PRORP: variants seen among roughly 807,000 people sequenced by gnomAD.
PRORP encodes protein only RNase P catalytic subunit.
In PRORP, 51 loss-of-function variants were observed where a neutral mutation model predicts 59.4. That is an observed-to-expected ratio of 0.86 (90% CI 0.69 to 1.08). PRORP has a LOEUF of 1.08. Among genes scored for constraint, PRORP ranks in the 50% least tolerant of loss-of-function variants. The pLI is 0.00. For missense variants in PRORP, 646 were observed against 690.3 expected (o/e 0.94, Z 0.72); for synonymous variants, 231 against 245.6 (o/e 0.94, Z 0.55).
At chr14:35,209,593 C>G (rs1243172166) in intron 5 of PRORP, among the ~76,000 whole-genome samples, 1 of 151,970 alleles carries the variant, frequency 6.6e-6, no homozygotes, top group East Asian at 1.9e-4. Context: ...GCTCTGTTGC[C>G]CAGGCTGGAG....
intron 4 of PRORP, among the ~76,000 whole-genome samples, chr14:35,146,266 G>A (rs1338030620): frequency 2.0e-5 from 3 of 152,142 alleles, no homozygotes; most frequent in Non-Finnish European, 2.9e-5. Context: ...CAAATTGCCC[G>A]TGGTACATTT....
At chr14:35,239,659 A>G (rs1277187579) in intron 5 of PRORP, among the ~76,000 whole-genome samples, 1 of 152,242 alleles carries the variant, frequency 6.6e-6, no homozygotes, top group African/African-American at 2.4e-5. Flanking sequence ...TTGGCATTTC[A>G]GACGTTGCCT....
intron 5 of PRORP, among the ~76,000 whole-genome samples, chr14:35,241,332 C>T (rs1023830761): frequency 2.6e-5 from 4 of 151,794 alleles, no homozygotes; most frequent in Non-Finnish European, 5.9e-5. Context: ...GAGCTGAGAC[C>T]ATGCCACTGC....
At chr14:35,168,540 T>C (rs1273929415) in intron 4 of PRORP, among the ~76,000 whole-genome samples, 1 of 152,174 alleles carries the variant, frequency 6.6e-6, no homozygotes, top group Admixed American at 6.5e-5. Context: ...TGGGTTTAGT[T>C]GTCATGTTTC....
At chr14:35,170,411 T>C (rs543159977) in intron 4 of PRORP, among the ~76,000 whole-genome samples, 6 of 152,044 alleles carry the variant, frequency 3.9e-5, no homozygotes, top group Non-Finnish European at 5.9e-5. Flanking sequence ...TTAAAAAATT[T>C]TATCAACTCT....
upstream of PRORP, chr14:35,122,013 C>A (rs952371715): frequency 6.2e-7 from 1 of 1,601,144 alleles, no homozygotes; most frequent in Admixed American, 1.7e-5. Context: ...CTGCTCCACC[C>A]CTACCAGCTC....
intron 2 of PRORP, among the ~76,000 whole-genome samples, chr14:35,124,864 T>C (rs1230503657): frequency 3.3e-5 from 5 of 150,698 alleles, no homozygotes. Flanking sequence ...TTCTGTCTAC[T>C]CTCTCCCTTT....
At chr14:35,240,912 G>A (rs117951696) in intron 5 of PRORP, among the ~76,000 whole-genome samples, 2,537 of 152,204 alleles carry the variant, frequency 0.017, 37 homozygotes, top group Middle Eastern at 0.061. Context: ...CCCCTCGCCC[G>A]TGGATTCAAC....
intron 5 of PRORP, among the ~76,000 whole-genome samples, chr14:35,254,762 T>C (rs55907319): frequency 0.1 from 15,264 of 152,186 alleles, 1,211 homozygotes; most frequent in African/African-American, 0.2. Context: ...ATACAACTTA[T>C]AAAGACCCCT....
At chr14:35,180,233 C>T (rs536493931) in intron 4 of PRORP, among the ~76,000 whole-genome samples, 40 of 152,312 alleles carry the variant, frequency 2.6e-4, no homozygotes, top group African/African-American at 9.6e-4. Flanking sequence ...CCACTGCTCT[C>T]TTCAAAGCTC....
Position 35,266,955 on chromosome 14 carries a change from CTT to C in PRORP, c.1424+83_1424+84del, listed in dbSNP as rs900004923. 4 of 1,382,620 alleles carry C rather than the reference CTT, an allele frequency of 2.9e-6. No homozygotes were observed. In the African/African-American group the frequency reaches 5.9e-5, roughly 20 times the overall value. The allele number at this position is 1,382,620 out of a possible 1,614,324, so 85.6% of individuals were successfully genotyped here. A position where few individuals can be genotyped will look rare whatever the true frequency, so the allele number is the denominator to read the frequency against. ...TGTTAGTTACCTACTTTAAACCTAT[CTT>C]TTAAATGCATGTGTATGTGTATACT... On this transcript the variant is annotated intron_variant, in intron 6 of 7. Coordinates refer to ENST00000534898, the MANE Select transcript of PRORP (RefSeq NM_014672.4).
chr14:35,151,876 A>T (rs1398555713), intron 4 of PRORP, among the ~76,000 whole-genome samples: 1 of 150,764 alleles, frequency 6.6e-6, no homozygotes, highest in African/African-American at 2.4e-5. Context: ...TCTTTGTGCT[A>T]GGATCTTTGT....
intron 5 of PRORP, among the ~76,000 whole-genome samples, chr14:35,246,870 T>C (rs1057476648): frequency 4.6e-5 from 7 of 152,198 alleles, no homozygotes; most frequent in African/African-American, 1.4e-4. Flanking sequence ...GCTCTTTCTT[T>C]GTTTTGGATG....
intron 5 of PRORP, among the ~76,000 whole-genome samples, chr14:35,183,217 TACATACACACAC>T (rs1387039019): frequency 2.3e-5 from 3 of 131,074 alleles, no homozygotes; most frequent in African/African-American, 8.0e-5. Flanking sequence ...AACACATACA[TACATACACACAC>T]ACACACACAC....
At chr14:35,164,849 G>T (rs1313370269) in intron 4 of PRORP, among the ~76,000 whole-genome samples, 2 of 152,158 alleles carry the variant, frequency 1.3e-5, no homozygotes, top group Admixed American at 1.3e-4. Flanking sequence ...CTTTTGGGGA[G>T]GGAGTAGGGG....
At chr14:35,188,365 A>G (rs2048795567) in intron 5 of PRORP, among the ~76,000 whole-genome samples, 1 of 147,248 alleles carries the variant, frequency 6.8e-6, no homozygotes, top group South Asian at 2.2e-4. Flanking sequence ...TCTTTTTTGT[A>G]TTTTTGGTAG....
chr14:35,224,732 T>C (rs1255005710), intron 5 of PRORP, among the ~76,000 whole-genome samples: 1 of 152,244 alleles, frequency 6.6e-6, no homozygotes, highest in Non-Finnish European at 1.5e-5. Context: ...TGTAACACTT[T>C]AACCTTCTTA....
chr14:35,157,416 A>C (rs1356765400), intron 4 of PRORP, among the ~76,000 whole-genome samples: 1 of 152,222 alleles, frequency 6.6e-6, no homozygotes, highest in Admixed American at 6.5e-5. Context: ...ATTAGTAAAC[A>C]AGAACTGATT....
chr14:35,171,530 C>A (rs2048312177), intron 4 of PRORP, among the ~76,000 whole-genome samples: 1 of 151,996 alleles, frequency 6.6e-6, no homozygotes, highest in Non-Finnish European at 1.5e-5. Context: ...ATCATTATTC[C>A]TTTTTATGTT....
Sources: allele counts gnomAD v4.1 joint callset (sites outside exome capture counted in the v4.1 genomes callset), GRCh38; gene constraint gnomAD v4.1.1; transcripts MANE v1.5; gene names NCBI Gene and HGNC (gene_info 2026-07-23, HGNC 2026-07-21).